CEP63: variants seen among roughly 807,000 people sequenced by gnomAD.
The protein encoded by CEP63 is centrosomal protein 63.
Under a neutral mutation model 89.1 loss-of-function variants are expected in CEP63, and 84 were observed. The observed-to-expected ratio is 0.94, with a 90% confidence interval of 0.79 to 1.13. The LOEUF (loss-of-function observed/expected upper bound fraction) is 1.13. CEP63 is among the 50% of genes most tolerant of loss of function. CEP63 has a pLI of 0.00. For synonymous variants in CEP63, 267 were observed against 272.5 expected, an observed-to-expected ratio of 0.98 and a Z score of 0.20; for missense variants, 838 against 813.3, an observed-to-expected ratio of 1.03 and a Z score of -0.37.
intron 8 of CEP63, among the ~76,000 whole-genome samples, chr3:134,547,126 GT>G (rs1191615243): frequency 6.6e-6 from 1 of 152,156 alleles, no homozygotes; most frequent in African/African-American, 2.4e-5. Flanking sequence ...CCAAATCCCA[GT>G]TAAGAAGGGA....
At chr3:134,697,413 G>A in the CEP63 span, among the ~76,000 whole-genome samples, 1 of 152,180 alleles carries the variant, frequency 6.6e-6, no homozygotes, top group African/African-American at 2.4e-5. Context: ...AGACCCTCTG[G>A]CATTTAGTTT....
chr3:134,707,830 T>C, the CEP63 span, among the ~76,000 whole-genome samples: 1 of 150,212 alleles, frequency 6.7e-6, no homozygotes, highest in African/African-American at 2.5e-5. Flanking sequence ...TCACTCTGGG[T>C]TGAAGCCCTA....
At chr3:134,711,897 G>A in the CEP63 span, among the ~76,000 whole-genome samples, 1,016 of 151,806 alleles carry the variant, frequency 6.7e-3, 10 homozygotes, top group African/African-American at 0.022. Context: ...TGGGTAGCTA[G>A]GATTACAAGC....
chr3:134,619,222 G>T, the CEP63 span: 1 of 1,614,012 alleles, frequency 6.2e-7, no homozygotes, highest in Non-Finnish European at 8.5e-7. Context: ...CAGTGGGTTT[G>T]AAGGCTTGGC....
intron 6 of CEP63, among the ~76,000 whole-genome samples, chr3:134,544,485 C>T (rs998301996): frequency 6.6e-6 from 1 of 152,164 alleles, no homozygotes; most frequent in Non-Finnish European, 1.5e-5. Context: ...GAACCAATCT[C>T]TCCTCCCTTA....
At chr3:134,746,076 C>G in the CEP63 span, among the ~76,000 whole-genome samples, 76 of 151,894 alleles carry the variant, frequency 5.0e-4, 1 homozygote, top group South Asian at 7.5e-3. Flanking sequence ...CCACCCCCCC[C>G]ACCCCATGAC....
chr3:134,641,065 A>T, the CEP63 span: 6 of 152,448 alleles, frequency 3.9e-5, no homozygotes, highest in African/African-American at 1.4e-4. Context: ...CTCCTTGAAC[A>T]TGCAGACACG....
rs116335285 is a variant in CEP63 at position 134,560,275 on chromosome 3, C to T, written c.1953+846C>T. 7.6e-3 allele frequency among the ~76,000 whole-genome samples: 1,153 copies of T among 152,302 alleles called. 17 individuals are homozygous for T. Among genetic ancestry groups the T allele is most frequent in the African/African-American group, 0.026 (1,096 of 41,558 alleles). ...TGTGTTTGGTGATGGGATGTTCCCTCAGACTCCACTGGGGTAATACAGTTG... is the reference window on the plus strand; with the variant it reads ...TGTGTTTGGTGATGGGATGTTCCCTTAGACTCCACTGGGGTAATACAGTTG... On this transcript the variant is annotated intron_variant, in intron 14 of 14. Transcript: ENST00000675561.
downstream of CEP63, among the ~76,000 whole-genome samples, chr3:134,589,797 C>T (rs549802219): frequency 4.1e-4 from 62 of 152,162 alleles, no homozygotes; most frequent in African/African-American, 1.4e-3. Flanking sequence ...CACATGCATG[C>T]GTATGTTCAT....
intron 12 of CEP63, among the ~76,000 whole-genome samples, chr3:134,556,413 G>C (rs985033122): frequency 6.6e-6 from 1 of 151,970 alleles, no homozygotes; most frequent in Non-Finnish European, 1.5e-5. Flanking sequence ...AATAATAGGA[G>C]AGGAGACAAT....
At chr3:134,486,620 A>G (rs553619016) in intron 1 of CEP63, 3 of 873,198 alleles carry the variant, frequency 3.4e-6, no homozygotes, top group Non-Finnish European at 4.1e-6. Context: ...TTTTCAGCGG[A>G]GAGACCCCAG....
At chr3:134,658,085 A>G in the CEP63 span, among the ~76,000 whole-genome samples, 8 of 152,000 alleles carry the variant, frequency 5.3e-5, no homozygotes, top group Non-Finnish European at 1.2e-4. Context: ...TTTAGTAGAG[A>G]CGGGGTTTCA....
At chr3:134,671,822 C>T in the CEP63 span, among the ~76,000 whole-genome samples, 1 of 152,108 alleles carries the variant, frequency 6.6e-6, no homozygotes, top group African/African-American at 2.4e-5. Context: ...ACTCTCATGG[C>T]TTTTGGGACA....
chr3:134,549,170 TAAG>T lies in CEP63; in HGVS notation c.1180_1182del (p.Lys394del). 6.3e-7 allele frequency: 1 copy of T among 1,599,798 alleles called. No homozygotes were observed. The highest frequency in any genetic ancestry group is 8.6e-7 in the Non-Finnish European group (1 of 1,167,184). On this transcript the variant is annotated inframe_deletion, in exon 10 of 15. Coordinates refer to ENST00000675561, the MANE Select transcript of CEP63 (RefSeq NM_001353108.3). ...ATAACAATGAATACAAAGCAGAGAT[TAAG>T]AAGGTAAAAATCTGCATACCTAGGA... is the stretch of plus-strand genomic sequence containing the variant.
the CEP63 span, among the ~76,000 whole-genome samples, chr3:134,644,717 C>T: frequency 1.3e-5 from 2 of 152,194 alleles, no homozygotes; most frequent in Admixed American, 6.5e-5. Context: ...CAGTGGTTCC[C>T]GTGCCTGGGC....
chr3:134,687,607 G>T, the CEP63 span, among the ~76,000 whole-genome samples: 1 of 152,214 alleles, frequency 6.6e-6, no homozygotes, highest in Non-Finnish European at 1.5e-5. Flanking sequence ...GGAGGGCTGT[G>T]GGAAGTGTGT....
chr3:134,545,793 T>C lies in CEP63; in HGVS notation c.763T>C (p.Leu255=). The change falls in exon 7 of 15, where the codon TTG becomes CTG. Residue 255 remains leucine (L), a synonymous_variant. Transcript: ENST00000675561. ...GGAGCAGCAGCAAAAAGAAGAAAAA[T>C]TGAGGGAATCTGAAAAACTATTAGA... ...LQEQQQKEEK[L]RESEKLLEAL... is the part of the protein sequence containing the mutation. 1 of 1,613,494 alleles carries C rather than the reference T, an allele frequency of 6.2e-7. No homozygotes were observed. The highest frequency in any genetic ancestry group is 8.5e-7 in the Non-Finnish European group (1 of 1,179,750).
chr3:134,648,209 C>T, the CEP63 span, among the ~76,000 whole-genome samples: 1,287 of 152,276 alleles, frequency 8.5e-3, 33 homozygotes, highest in East Asian at 0.088. Flanking sequence ...CCTTGGTGGC[C>T]GAGGAGGTTT....
At chr3:134,774,674 T>A in the CEP63 span, among the ~76,000 whole-genome samples, 1 of 151,916 alleles carries the variant, frequency 6.6e-6, no homozygotes, top group Non-Finnish European at 1.5e-5. Flanking sequence ...TGTGAGAGAG[T>A]GTGTGTGTGA....
Sources: allele counts gnomAD v4.1 joint callset (sites outside exome capture counted in the v4.1 genomes callset), GRCh38; gene constraint gnomAD v4.1.1; transcripts MANE v1.5; gene names NCBI Gene and HGNC (gene_info 2026-07-23, HGNC 2026-07-21).